IHO1: variants seen among roughly 807,000 people sequenced by gnomAD.
IHO1 encodes the protein interactor of HORMAD1 1, also known as interactor of HORMAD1 protein 1.
Under a neutral mutation model 31.0 loss-of-function variants are expected in IHO1, and 13 were observed. The ratio of observed to expected loss-of-function variants is 0.42; its 90% CI spans 0.27 to 0.67. The LOEUF is 0.67. Among genes scored for constraint, IHO1 ranks in the 30% least tolerant of loss-of-function variants. IHO1 has a pLI of 0.24. For synonymous variants in IHO1, 221 were observed against 248.4 expected, an observed-to-expected ratio of 0.89 and a Z score of 1.04; for missense variants, 599 against 687.5, an observed-to-expected ratio of 0.87 and a Z score of 1.44.
intron 2 of IHO1, among the ~76,000 whole-genome samples, chr3:49,216,681 G>T (rs1317546646): frequency 5.9e-5 from 9 of 152,108 alleles, no homozygotes; most frequent in Admixed American, 3.9e-4. Context: ...CACAGCAAAA[G>T]AAATTATCAT....
intron 2 of IHO1, among the ~76,000 whole-genome samples, chr3:49,219,824 C>T (rs547909904): frequency 3.7e-4 from 56 of 152,242 alleles, no homozygotes; most frequent in African/African-American, 1.3e-3. Context: ...GGCTCTGGTT[C>T]GTTCCACCTT....
chr3:49,255,129 G>A (rs1032600233), intron 6 of IHO1, among the ~76,000 whole-genome samples: 2 of 152,084 alleles, frequency 1.3e-5, no homozygotes, highest in East Asian at 1.9e-4. Context: ...AGATCACTCT[G>A]ATGAGAGGGC....
At chr3:49,255,556 AACTT>A in intron 7 of IHO1, 63 bp downstream of exon 7, 1 of 990,290 alleles carries the variant, frequency 1.0e-6, no homozygotes, top group Non-Finnish European at 1.4e-6. Context: ...CCCAGAGAGA[AACTT>A]TTTTTTTTTT....
chr3:49,247,041 G>C (rs969809985), intron 6 of IHO1, among the ~76,000 whole-genome samples: 43 of 151,732 alleles, frequency 2.8e-4, no homozygotes, highest in Non-Finnish European at 5.2e-4. Flanking sequence ...TAGAGACGGG[G>C]TTTCACCATG....
In IHO1 at chr3:49,211,830, G is replaced by T. The variant is rs1006477144; in HGVS notation, c.50G>T (p.Gly17Val). The T allele has an allele frequency of 6.4e-7, 1 of 1,569,042 alleles. No homozygotes were observed. The highest frequency in any genetic ancestry group is 1.4e-5 in the African/African-American group (1 of 73,842). Residue 17 changes from glycine to valine, a missense_variant, in exon 2 of 8, where the codon GGC (glycine) becomes GTC (valine). By Grantham distance (109) the Gly-to-Val change is moderately radical. Coordinates refer to ENST00000452691, the MANE Select transcript of IHO1 (RefSeq NM_001135197.2). ...AAAGAGATGCTCAGTATTCCTTCAG[G>T]CTCTGGGTAAGTTTTCTGGTTATAT... Reference protein sequence around the residue: ...NIKEMLSIPSGSGNKKSSNWN... With the variant: ...NIKEMLSIPSVSGNKKSSNWN...
chr3:49,235,812 C>A lies in IHO1; in HGVS notation c.57-736C>A, dbSNP rs528599563. Among the ~76,000 whole-genome samples the A allele has an allele frequency of 1.3e-4, 20 of 151,226 alleles. No homozygotes were observed. The South Asian group carries it at 2.1e-3, about 16-fold the overall frequency. On this transcript the variant is annotated intron_variant, in intron 2 of 7. Transcript: ENST00000452691. ...ACATGTGGTGGCAGATGCCTGTAAT[C>A]CCAGCTACTCAGGAGGCTGAGGCAG... is the stretch of plus-strand genomic sequence containing the variant.
chr3:49,231,828 A>G (rs1189404710), intron 2 of IHO1, among the ~76,000 whole-genome samples: 1 of 152,246 alleles, frequency 6.6e-6, no homozygotes, highest in African/African-American at 2.4e-5. Flanking sequence ...AAACGCAGAT[A>G]CAGCATTACC....
At chr3:49,218,710 A>G (rs2046317930) in intron 2 of IHO1, among the ~76,000 whole-genome samples, 2 of 152,162 alleles carry the variant, frequency 1.3e-5, no homozygotes, top group African/African-American at 4.8e-5. Context: ...CAATAGTGGC[A>G]TAGAGCCAAG....
intron 6 of IHO1, among the ~76,000 whole-genome samples, chr3:49,246,296 T>C (rs1475233817): frequency 6.6e-6 from 1 of 151,436 alleles, no homozygotes; most frequent in African/African-American, 2.4e-5. Flanking sequence ...TATAACATGA[T>C]AGAGTAAGTC....
intron 3 of IHO1, among the ~76,000 whole-genome samples, chr3:49,240,757 A>T (rs1298265638): frequency 6.6e-6 from 1 of 152,180 alleles, no homozygotes; most frequent in Non-Finnish European, 1.5e-5. Context: ...ACCTCCCTGA[A>T]TGTTTCAGAA....
In IHO1 at chr3:49,256,761, C is replaced by G. The variant is rs760328680; in HGVS notation, c.1264C>G (p.Arg422Gly). 1 of 1,614,196 alleles carries G rather than the reference C, an allele frequency of 6.2e-7. No homozygotes were observed. Among genetic ancestry groups the G allele is most frequent in the Admixed American group, 1.7e-5 (1 of 60,006 alleles). ...CCAAAGTATGTTTTTGTGTGACCCA[C>G]GTGAACATTTGGTGATTAAACAGAA... ...QAQSMFLCDP[R>G]EHLVIKQKDG... The change falls in exon 8 of 8, where the codon CGT becomes GGT. Residue 422 changes from arginine to glycine, a missense_variant. Arg to Gly is a moderately radical substitution (Grantham distance 125, BLOSUM62 -2). Transcript: ENST00000452691. The surrounding 1 kb of genome is among the most constrained non-coding windows in gnomAD (Gnocchi z 4.6).
chr3:49,201,699 T>A (rs1189899127), intron 1 of IHO1, among the ~76,000 whole-genome samples: 4 of 152,076 alleles, frequency 2.6e-5, no homozygotes, highest in African/African-American at 9.7e-5. Context: ...GGTGAATCAC[T>A]TGAGCTCAGG....
At chr3:49,205,927 G>A (rs1319741229) in intron 1 of IHO1, among the ~76,000 whole-genome samples, 5 of 151,336 alleles carry the variant, frequency 3.3e-5, no homozygotes, top group South Asian at 2.1e-4. Flanking sequence ...GTGCCACCAC[G>A]TCCAGCTAAT....
the IHO1 span, chr3:49,191,768 G>T: frequency 1.3e-6 from 2 of 1,567,826 alleles, no homozygotes; most frequent in Non-Finnish European, 1.7e-6. Context: ...AAAGCACTTT[G>T]CATCTTTCCA....
intron 4 of IHO1, among the ~76,000 whole-genome samples, chr3:49,244,095 C>T (rs905020489): frequency 1.3e-5 from 2 of 152,000 alleles, no homozygotes; most frequent in African/African-American, 4.8e-5. Flanking sequence ...GCTGGAATTA[C>T]AGGTGCCCAC....
At chr3:49,255,526 GT>G in intron 7 of IHO1, 33 bp downstream of exon 7, 2 of 1,030,730 alleles carry the variant, frequency 1.9e-6, no homozygotes, top group Non-Finnish European at 2.8e-6. Context: ...TTCTAAGTGT[GT>G]TTTGGGCTTT....
chr3:49,197,127 C>T (rs1308738035), upstream of IHO1, among the ~76,000 whole-genome samples: 5 of 147,264 alleles, frequency 3.4e-5, no homozygotes, highest in African/African-American at 5.0e-5. Flanking sequence ...GCTACAGGCT[C>T]GTGCCACCAC....
At position 49,232,128 on chromosome 3, in the gene IHO1, T is replaced by C. The variant is rs536707980; in HGVS notation, c.57-4420T>C. Reference sequence around the variant, plus strand: ...TTCCAGCTTCTATTAAAACAGATAATGCCCCAGGCTGTACTAGCCAAGCTC... The same window carrying C: ...TTCCAGCTTCTATTAAAACAGATAACGCCCCAGGCTGTACTAGCCAAGCTC... On this transcript the variant is annotated intron_variant, in intron 2 of 7. Coordinates refer to ENST00000452691, the MANE Select transcript of IHO1 (RefSeq NM_001135197.2). Among the ~76,000 whole-genome samples, 9 of 152,328 alleles carry C rather than the reference T, an allele frequency of 5.9e-5. No individual in the cohort carries two copies. In the South Asian group the frequency reaches 1.4e-3, roughly 25 times the overall value.
intron 2 of IHO1, among the ~76,000 whole-genome samples, chr3:49,217,986 A>T (rs1040804602): frequency 3.9e-5 from 6 of 152,234 alleles, no homozygotes; most frequent in Admixed American, 2.0e-4. Flanking sequence ...ATAAGCAGAA[A>T]GAACATTTGG....
Sources: gnomAD v4.1 joint callset for allele counts (sites outside exome capture counted in the v4.1 genomes callset) on GRCh38, gnomAD v4.1.1 for gene constraint, Gnocchi (gnomAD v3.1) non-coding constraint, MANE v1.5 for transcripts, NCBI Gene and HGNC (gene_info 2026-07-23, HGNC 2026-07-21) for gene names.